Variants in SNTG1 observed in about 807,000 individuals in gnomAD.
SNTG1 encodes syntrophin gamma 1.
Under a neutral mutation model 74.7 loss-of-function variants are expected in SNTG1, and 39 were observed. That is an observed-to-expected ratio of 0.52 (90% CI 0.40 to 0.68). The LOEUF (loss-of-function observed/expected upper bound fraction) is 0.68, where lower values mean the gene tolerates loss of function less well. SNTG1 is among the 30% of genes least tolerant of loss of function. The probability of loss-of-function intolerance (pLI) is 0.00; values close to 1 mark genes in which losing one functional copy is unlikely to be tolerated. For missense variants in SNTG1, 685 were observed against 609.5 expected (o/e 1.12, Z -1.30); for synonymous variants, 254 against 217.1 (o/e 1.17, Z -1.49).
At chr8:50,494,041 T>A (rs1324528976) in intron 8 of SNTG1, among the ~76,000 whole-genome samples, 1 of 151,586 alleles carries the variant, frequency 6.6e-6, no homozygotes, top group Non-Finnish European at 1.5e-5. Flanking sequence ...AGAGTTTTCA[T>A]TAGGAATTGC....
At chr8:50,541,275 G>GTGTGTGTGTA (rs1294709476) in intron 11 of SNTG1, among the ~76,000 whole-genome samples, 1 of 151,690 alleles carries the variant, frequency 6.6e-6, no homozygotes, top group African/African-American at 2.4e-5. Context: ...GTGTGTGTGT[G>GTGTGTGTGTA]TGCATGTTTA....
At chr8:50,407,777 G>A (rs1340284815) in intron 4 of SNTG1, among the ~76,000 whole-genome samples, 3 of 152,184 alleles carry the variant, frequency 2.0e-5, no homozygotes, top group Non-Finnish European at 4.4e-5. Flanking sequence ...CTCTCTGCCT[G>A]GAAATTTGAA....
Position 50,450,723 on chromosome 8 carries a change from A to G in SNTG1, c.357A>G (p.Glu119=), listed in dbSNP as rs2093448374. The part of the protein sequence containing the change: ...NGINVRKCRH[E]EVVQVLRNAG... Reference sequence around the variant, plus strand: ...TTAATGTGAGAAAATGTAGACATGAAGAAGTGGTGAGTTTACTTTTTCCTA... The same window carrying G: ...TTAATGTGAGAAAATGTAGACATGAGGAAGTGGTGAGTTTACTTTTTCCTA... The change falls in exon 8 of 19, where the codon GAA becomes GAG. Residue 119 remains glutamate (E), a synonymous_variant. Coordinates refer to ENST00000642720, the MANE Select transcript of SNTG1 (RefSeq NM_018967.5). 2 of 1,612,936 alleles carry G rather than the reference A, an allele frequency of 1.2e-6. No individual in the cohort carries two copies. The highest frequency in any genetic ancestry group is 4.5e-5 in the East Asian group (2 of 44,714).
chr8:50,256,556 A>G (rs1214850973), intron 2 of SNTG1, among the ~76,000 whole-genome samples: 2 of 152,128 alleles, frequency 1.3e-5, no homozygotes, highest in South Asian at 2.1e-4. Context: ...TGGACAATAT[A>G]TAAGGAAATA....
chr8:50,251,629 G>A (rs888908182), intron 2 of SNTG1, among the ~76,000 whole-genome samples: 15 of 151,406 alleles, frequency 9.9e-5, no homozygotes, highest in African/African-American at 3.6e-4. Flanking sequence ...AAAGACAAAG[G>A]ATATTATTAT....
intron 1 of SNTG1, among the ~76,000 whole-genome samples, chr8:50,042,005 C>T (rs1468550387): frequency 6.6e-6 from 1 of 152,152 alleles, no homozygotes; most frequent in African/African-American, 2.4e-5. Flanking sequence ...CCTTATAAAA[C>T]CATCATAATT....
At chr8:49,976,068 C>T (rs537175778) in intron 1 of SNTG1, among the ~76,000 whole-genome samples, 1 of 152,060 alleles carries the variant, frequency 6.6e-6, no homozygotes, top group African/African-American at 2.4e-5. Flanking sequence ...TACTGTCATT[C>T]TTGGCAACTA....
intron 9 of SNTG1, among the ~76,000 whole-genome samples, chr8:50,520,128 A>G (rs138309432): frequency 2.1e-4 from 32 of 152,308 alleles, no homozygotes; most frequent in Non-Finnish European, 3.7e-4. Context: ...GGCCTTAGAA[A>G]TAATGCCATA....
intron 15 of SNTG1, among the ~76,000 whole-genome samples, chr8:50,696,971 T>A (rs945533486): frequency 6.6e-6 from 1 of 152,132 alleles, no homozygotes; most frequent in Non-Finnish European, 1.5e-5. Context: ...TATTTTCTAA[T>A]CTGTGAAATA....
intron 13 of SNTG1, among the ~76,000 whole-genome samples, chr8:50,629,928 T>A (rs16915119): frequency 6.6e-6 from 1 of 152,196 alleles, no homozygotes; most frequent in East Asian, 1.9e-4. Flanking sequence ...TTCGATATTA[T>A]AAATACATGT....
chr8:49,912,157 G>A lies in SNTG1; in HGVS notation c.-177G>A, dbSNP rs1805632518. On this transcript the variant is annotated 5_prime_UTR_variant, in exon 1 of 19. Coordinates refer to ENST00000642720, the MANE Select transcript of SNTG1 (RefSeq NM_018967.5). ...GCAACTGTTTTGGAAATAGCTTTGT[G>A]AAAAGAGGGTGGAGAGCTACTCAAA... The A allele has an allele frequency of 6.6e-6, 1 of 152,202 alleles. No homozygotes were observed. Among genetic ancestry groups the A allele is most frequent in the Non-Finnish European group, 1.5e-5 (1 of 68,052 alleles). 9.4% of individuals were successfully genotyped at this position (152,202 alleles called of 1,614,324 possible). A position where few individuals can be genotyped will look rare whatever the true frequency, so the allele number is the denominator to read the frequency against.
At chr8:50,390,997 A>G (rs1338197947) in intron 2 of SNTG1, among the ~76,000 whole-genome samples, 1 of 152,182 alleles carries the variant, frequency 6.6e-6, no homozygotes, top group Non-Finnish European at 1.5e-5. Context: ...TTCTAAATAT[A>G]CAATCATGTC....
chr8:50,688,610 G>A (rs999698074), intron 15 of SNTG1, among the ~76,000 whole-genome samples: 3 of 152,058 alleles, frequency 2.0e-5, no homozygotes, highest in African/African-American at 4.8e-5. Flanking sequence ...TGTTCCATTG[G>A]TCTCTATCTC....
intron 2 of SNTG1, among the ~76,000 whole-genome samples, chr8:50,301,471 A>C (rs1417032664): frequency 6.6e-6 from 1 of 152,112 alleles, no homozygotes; most frequent in Admixed American, 6.6e-5. Context: ...TATCATCATC[A>C]TACTGTCATT....
intron 15 of SNTG1, among the ~76,000 whole-genome samples, chr8:50,697,095 T>A (rs998320497): frequency 6.6e-6 from 1 of 152,134 alleles, no homozygotes; most frequent in Non-Finnish European, 1.5e-5. Context: ...TTTTGTCATA[T>A]GTTTGTGTCA....
At chr8:50,365,623 A>G (rs912970770) in intron 2 of SNTG1, among the ~76,000 whole-genome samples, 27 of 152,094 alleles carry the variant, frequency 1.8e-4, no homozygotes, top group Non-Finnish European at 1.2e-4. Context: ...AATTATATCT[A>G]GACTATGAGC....
chr8:50,247,622 C>T (rs1233387372), intron 2 of SNTG1, among the ~76,000 whole-genome samples: 2 of 152,044 alleles, frequency 1.3e-5, no homozygotes, highest in African/African-American at 4.8e-5. Context: ...CCTCCTGCCT[C>T]AGCCTCCTGA....
intron 2 of SNTG1, among the ~76,000 whole-genome samples, chr8:50,178,369 T>TA (rs2083076290): frequency 6.6e-6 from 1 of 151,762 alleles, no homozygotes; most frequent in Non-Finnish European, 1.5e-5. Flanking sequence ...TTTTTTTTTT[T>TA]TCTGTCACTT....
chr8:50,615,053 C>T (rs567078084), intron 13 of SNTG1, among the ~76,000 whole-genome samples: 3 of 151,932 alleles, frequency 2.0e-5, no homozygotes, highest in African/African-American at 4.8e-5. Context: ...AGCCATTCTC[C>T]TGCCTCAGCC....
Sources: gnomAD v4.1 joint callset for allele counts (sites outside exome capture counted in the v4.1 genomes callset) on GRCh38, gnomAD v4.1.1 for gene constraint, MANE v1.5 for transcripts, NCBI Gene and HGNC (gene_info 2026-07-23, HGNC 2026-07-21) for gene names.